SPATS2: variants seen among roughly 807,000 people sequenced by gnomAD.
SPATS2 encodes the protein spermatogenesis-associated serine-rich protein 2.
A neutral mutation model predicts 63.7 loss-of-function variants in SPATS2; 38 were observed. The observed-to-expected ratio is 0.60, with a 90% CI of 0.46 to 0.78. The LOEUF (loss-of-function observed/expected upper bound fraction) is 0.78, where lower values mean the gene tolerates loss of function less well. Ranked by LOEUF, SPATS2 falls within the 30% of genes least tolerant of loss-of-function variation. SPATS2 has a pLI of 0.00. For missense variants in SPATS2, 588 were observed against 666.2 expected, an observed-to-expected ratio of 0.88 and a Z score of 1.29; for synonymous variants, 207 against 232.9, an observed-to-expected ratio of 0.89 and a Z score of 1.01.
intron 2 of SPATS2, among the ~76,000 whole-genome samples, chr12:49,380,849 T>C (rs528578707): frequency 6.6e-6 from 1 of 152,012 alleles, no homozygotes; most frequent in East Asian, 1.9e-4. Context: ...TGTCTATACC[T>C]AAAAGTGGAA....
rs1431466599 is a variant in SPATS2, at chr12:49,524,868, G to A, written c.1298G>A (p.Ser433Asn). 1 of 1,612,522 alleles carries A rather than the reference G, an allele frequency of 6.2e-7. No individual in the cohort carries two copies. Among genetic ancestry groups the A allele is most frequent in the Admixed American group, 1.7e-5 (1 of 59,850 alleles). ...ACTCCTGCAGCCATAGCAAACTCCA[G>A]TGGCCAGCCCTACCAGCCACTTCGG... The part of the protein sequence containing the change: ...GETPAAIANS[S>N]GQPYQPLREV... The change falls in exon 13 of 14, where the codon AGT becomes AAT. Residue 433 changes from serine (S) to asparagine (N), a missense_variant. By Grantham distance (46) the Ser-to-Asn change is conservative. Transcript: ENST00000552918.
intron 2 of SPATS2, among the ~76,000 whole-genome samples, chr12:49,395,046 C>T (rs1944484895): frequency 6.6e-6 from 1 of 151,960 alleles, no homozygotes; most frequent in Non-Finnish European, 1.5e-5. Flanking sequence ...GCACTCCAGC[C>T]TGGGCAATAG....
At chr12:49,420,798 A>T (rs577149633) in intron 2 of SPATS2, among the ~76,000 whole-genome samples, 1 of 152,236 alleles carries the variant, frequency 6.6e-6, no homozygotes, top group Admixed American at 6.5e-5. Flanking sequence ...TGATCACTTG[A>T]GGCCAGGGGT....
chr12:49,468,502 A>T (rs1945972088), intron 3 of SPATS2, among the ~76,000 whole-genome samples: 1 of 148,702 alleles, frequency 6.7e-6, no homozygotes, highest in African/African-American at 2.5e-5. Context: ...TTTGAGACAG[A>T]GTCTCCCTCC....
In SPATS2 at chr12:49,526,024, G is replaced by C. The variant is rs143464295; in HGVS notation, c.1407G>C (p.Arg469=). The C allele has an allele frequency of 1.4e-4, 220 of 1,614,256 alleles. No individual in the cohort carries two copies. In the Admixed American group the frequency reaches 1.7e-3, roughly 13 times the overall value. Residue 469 remains arginine, a synonymous_variant, in exon 14 of 14, where the codon CGG becomes CGC. Transcript: ENST00000552918. ...QKSNDPMNQG[R]HDSMGRYRNS... ...CCAATGACCCCATGAACCAAGGGCG[G>C]CATGACAGTATGGGTCGTTACAGAA...
intron 2 of SPATS2, among the ~76,000 whole-genome samples, chr12:49,398,159 AAG>A (rs1555179670): frequency 2.5e-3 from 365 of 146,994 alleles, no homozygotes; most frequent in African/African-American, 3.5e-3. Flanking sequence ...AAAAAAAAAA[AAG>A]AAAAGAAAAG....
At chr12:49,419,886 A>ACTGT (rs3036619) in intron 2 of SPATS2, among the ~76,000 whole-genome samples, 44,743 of 151,906 alleles carry the variant, frequency 0.29, 8,863 homozygotes, top group African/African-American at 0.57. Context: ...ATGAAAACAT[A>ACTGT]CTGTTTTATT....
intron 9 of SPATS2, among the ~76,000 whole-genome samples, chr12:49,511,702 A>G (rs1035484177): frequency 1.3e-5 from 2 of 152,224 alleles, no homozygotes; most frequent in African/African-American, 4.8e-5. Context: ...ACCATTGTTT[A>G]GCTCAGAAAC....
intron 9 of SPATS2, among the ~76,000 whole-genome samples, chr12:49,502,391 C>G (rs1466447152): frequency 6.6e-6 from 1 of 152,170 alleles, no homozygotes; most frequent in Non-Finnish European, 1.5e-5. Context: ...CATGCCTTGT[C>G]CTGAACTCTA....
chr12:49,524,633 T>A (rs746834156), intron 12 of SPATS2, 49 bp from the exon 13 acceptor site: 1 of 1,570,118 alleles, frequency 6.4e-7, no homozygotes, highest in Admixed American at 1.7e-5. Flanking sequence ...ACCTTATCCA[T>A]TGTGCTGTTC....
intron 2 of SPATS2, among the ~76,000 whole-genome samples, chr12:49,408,123 T>G (rs1944727885): frequency 6.6e-6 from 1 of 152,234 alleles, no homozygotes; most frequent in Admixed American, 6.5e-5. Flanking sequence ...CAAGGATAAT[T>G]TGGGAATATG....
At chr12:49,462,121 T>G (rs989682812) in intron 3 of SPATS2, among the ~76,000 whole-genome samples, 6 of 152,204 alleles carry the variant, frequency 3.9e-5, no homozygotes, top group African/African-American at 1.4e-4. Context: ...TTCAGCAAAT[T>G]ACTTTGACCT....
chr12:49,478,049 C>T (rs1946148980), intron 3 of SPATS2, among the ~76,000 whole-genome samples: 2 of 150,332 alleles, frequency 1.3e-5, no homozygotes, highest in Non-Finnish European at 3.0e-5. Context: ...CTCATAGCTC[C>T]CTGCAACCTC....
At chr12:49,395,505 ACCT>A (rs1288486440) in intron 2 of SPATS2, among the ~76,000 whole-genome samples, 2 of 150,688 alleles carry the variant, frequency 1.3e-5, no homozygotes, top group African/African-American at 4.9e-5. Context: ...GCTCACTGCA[ACCT>A]CCTCCTCCAT....
At chr12:49,472,020 T>A (rs1946042203) in intron 3 of SPATS2, among the ~76,000 whole-genome samples, 1 of 151,904 alleles carries the variant, frequency 6.6e-6, no homozygotes, top group African/African-American at 2.4e-5. Flanking sequence ...GTGTCTTTAG[T>A]CCTGCTTCTT....
chr12:49,478,821 C>A (rs1015177910), intron 3 of SPATS2, among the ~76,000 whole-genome samples: 2 of 152,130 alleles, frequency 1.3e-5, no homozygotes, highest in African/African-American at 4.8e-5. Context: ...CCAGTGATGC[C>A]TTTGCCTGAG....
At chr12:49,416,738 G>C (rs1298564372) in intron 2 of SPATS2, among the ~76,000 whole-genome samples, 4 of 152,118 alleles carry the variant, frequency 2.6e-5, no homozygotes, top group African/African-American at 7.2e-5. Flanking sequence ...GCCCACCTCA[G>C]CTTCCCAAAG....
intron 9 of SPATS2, among the ~76,000 whole-genome samples, chr12:49,512,197 T>C (rs1417721001): frequency 6.6e-6 from 1 of 152,210 alleles, no homozygotes. Flanking sequence ...ATCAACCTTT[T>C]CTCTGAGAAA....
chr12:49,471,853 T>C (rs1946039197), intron 3 of SPATS2, among the ~76,000 whole-genome samples: 1 of 152,152 alleles, frequency 6.6e-6, no homozygotes, highest in South Asian at 2.1e-4. Flanking sequence ...GTAACACATA[T>C]TTAAGTGAGA....
Sources: allele counts gnomAD v4.1 joint callset (sites outside exome capture counted in the v4.1 genomes callset), GRCh38; gene constraint gnomAD v4.1.1; transcripts MANE v1.5; gene names NCBI Gene and HGNC (gene_info 2026-07-23, HGNC 2026-07-21).